The following DOCK3 variants were observed in gnomAD, a reference collection of about 807,000 sequenced individuals.
DOCK3 encodes the protein dedicator of cytokinesis protein 3.
Under a neutral mutation model 265.6 loss-of-function variants are expected in DOCK3, and 60 were observed. The ratio of observed to expected loss-of-function variants is 0.23; its 90% CI spans 0.18 to 0.28. The LOEUF is 0.28. Ranked by LOEUF, DOCK3 falls within the 10% of genes least tolerant of loss-of-function variation. The probability of loss-of-function intolerance (pLI) is 1.00; values close to 1 mark genes in which losing one functional copy is unlikely to be tolerated. For missense variants in DOCK3, 1,981 were observed against 2,594.3 expected, an observed-to-expected ratio of 0.76 and a Z score of 5.14; for synonymous variants, 881 against 938.0, an observed-to-expected ratio of 0.94 and a Z score of 1.11.
chr3:51,225,829 G>T (rs1211872525), intron 15 of DOCK3, 56 bp downstream of exon 15: 1 of 1,557,874 alleles, frequency 6.4e-7, no homozygotes, highest in African/African-American at 1.4e-5. Flanking sequence ...ATAATTCTCT[G>T]TGGACTTTAT....
intron 7 of DOCK3, among the ~76,000 whole-genome samples, chr3:51,083,179 G>C (rs557314447): frequency 6.6e-6 from 1 of 152,266 alleles, no homozygotes; most frequent in South Asian, 2.1e-4. Context: ...AGAACTCACA[G>C]ACACCACTGA....
intron 1 of DOCK3, among the ~76,000 whole-genome samples, chr3:50,687,271 C>T (rs2034893068): frequency 6.6e-6 from 1 of 152,112 alleles, no homozygotes; most frequent in South Asian, 2.1e-4. Flanking sequence ...ACTCATCGCC[C>T]TCATTATTCC....
chr3:51,360,284 C>G (rs1399099744), intron 46 of DOCK3, among the ~76,000 whole-genome samples: 2 of 152,180 alleles, frequency 1.3e-5, no homozygotes, highest in Non-Finnish European at 2.9e-5. Context: ...TGGAGTCAAC[C>G]TGGGGCCTCG....
chr3:50,909,174 C>T (rs1319724506), intron 4 of DOCK3, among the ~76,000 whole-genome samples: 1 of 151,940 alleles, frequency 6.6e-6, no homozygotes, highest in Non-Finnish European at 1.5e-5. Flanking sequence ...TCCATCTTGC[C>T]ATTCTGTGTC....
rs1435080794 is a variant in DOCK3 at position 51,362,688 on chromosome 3, G to A, written c.5293+14G>A. The A allele has an allele frequency of 6.2e-7, 1 of 1,611,196 alleles. No homozygotes were observed. Among genetic ancestry groups the A allele is most frequent in the Non-Finnish European group, 8.5e-7 (1 of 1,178,718 alleles). On this transcript the variant is annotated intron_variant, in intron 49 of 52. Transcript: ENST00000266037. The stretch of plus-strand genomic sequence containing the variant: ...CCAGTGCCCGAGGTAAGGATGGCAG[G>A]GTGCTACTTGCAGAATGGAGAAGAG...
chr3:51,358,657 A>T (rs2086532217), intron 46 of DOCK3, among the ~76,000 whole-genome samples: 1 of 152,150 alleles, frequency 6.6e-6, no homozygotes, highest in African/African-American at 2.4e-5. Flanking sequence ...ATAGCCTAGG[A>T]TGAGCAGTAC....
At chr3:50,823,217 G>A (rs1304557364) in intron 2 of DOCK3, among the ~76,000 whole-genome samples, 1 of 151,610 alleles carries the variant, frequency 6.6e-6, no homozygotes, top group Non-Finnish European at 1.5e-5. Context: ...GGGGGATTTG[G>A]CAGGGTCACA....
At chr3:50,879,723 G>A (rs1347663146) in intron 3 of DOCK3, among the ~76,000 whole-genome samples, 4 of 152,032 alleles carry the variant, frequency 2.6e-5, no homozygotes, top group Admixed American at 6.6e-5. Flanking sequence ...ACAGATCAAC[G>A]AGACAGAAAG....
At chr3:51,085,561 C>T (rs2082388912) in intron 7 of DOCK3, among the ~76,000 whole-genome samples, 1 of 152,008 alleles carries the variant, frequency 6.6e-6, no homozygotes. Flanking sequence ...CAGCATGCTC[C>T]TGAATAAGCA....
chr3:51,269,137 C>A (rs60399935), intron 23 of DOCK3, among the ~76,000 whole-genome samples: 117,646 of 141,466 alleles, frequency 0.83, 49,306 homozygotes, highest in South Asian at 0.89. Context: ...CTCTCTCTCT[C>A]TATATATATA....
chr3:50,880,387 G>A (rs1272834306), intron 3 of DOCK3, among the ~76,000 whole-genome samples: 3 of 152,146 alleles, frequency 2.0e-5, no homozygotes, highest in African/African-American at 7.2e-5. Flanking sequence ...TAGCAAGTCT[G>A]ATAAAGAAGA....
chr3:51,044,675 T>C (rs1382465795), intron 5 of DOCK3, among the ~76,000 whole-genome samples: 1 of 152,178 alleles, frequency 6.6e-6, no homozygotes, highest in African/African-American at 2.4e-5. Context: ...AAATCTGTTG[T>C]TTCCTGTACC....
chr3:51,146,439 A>C (rs143045577), intron 9 of DOCK3, 110 bp from the exon 10 acceptor site: 94 of 1,153,012 alleles, frequency 8.2e-5, no homozygotes, highest in Non-Finnish European at 1.1e-4. Context: ...CTTGCTTGTC[A>C]CTGCAAGCTG....
At chr3:51,336,159 T>C (rs993117022) in intron 35 of DOCK3, among the ~76,000 whole-genome samples, 5 of 152,272 alleles carry the variant, frequency 3.3e-5, no homozygotes, top group South Asian at 4.2e-4. Flanking sequence ...GAACCTGTTA[T>C]GTAAGACTCA....
chr3:50,813,546 G>T (rs1159530485), intron 2 of DOCK3, among the ~76,000 whole-genome samples: 1 of 151,890 alleles, frequency 6.6e-6, no homozygotes, highest in Non-Finnish European at 1.5e-5. Flanking sequence ...AAAGAAAAAA[G>T]AAAATGCATT....
At chr3:51,201,667 C>A (rs1258533590) in intron 12 of DOCK3, among the ~76,000 whole-genome samples, 3 of 152,166 alleles carry the variant, frequency 2.0e-5, no homozygotes, top group African/African-American at 7.2e-5. Flanking sequence ...CCGCACCAAG[C>A]AGACCTAATA....
chr3:51,380,938 C>A, intron 52 of DOCK3, 112 bp from the exon 53 acceptor site: 1 of 1,319,816 alleles, frequency 7.6e-7, no homozygotes, highest in South Asian at 1.4e-5. Flanking sequence ...AAGAAACATG[C>A]TGTTGATGAG....
Position 50,943,555 on chromosome 3 carries a change from G to A in DOCK3, c.315+9478G>A, listed in dbSNP as rs12629842. On this transcript the variant is annotated intron_variant, in intron 5 of 52. Transcript: ENST00000266037. ...AATGGAGATTACTTAAGGGGCTAAG[G>A]TGTTAGATGTTTTCTTTTTCTTATC... Among the ~76,000 whole-genome samples the A allele has an allele frequency of 1.1e-3, 160 of 152,156 alleles. 1 individual carries two copies. The East Asian group carries it at 0.028, about 27-fold the overall frequency.
chr3:51,082,251 G>A (rs1183724707), intron 7 of DOCK3, among the ~76,000 whole-genome samples: 1 of 151,858 alleles, frequency 6.6e-6, no homozygotes, highest in African/African-American at 2.4e-5. Context: ...CATTTTGAGA[G>A]CCTAGCTCCC....
Sources: gnomAD v4.1 joint callset for allele counts (sites outside exome capture counted in the v4.1 genomes callset) on GRCh38, gnomAD v4.1.1 for gene constraint, MANE v1.5 for transcripts, NCBI Gene and HGNC (gene_info 2026-07-23, HGNC 2026-07-21) for gene names.